RBM26: variants seen among roughly 807,000 people sequenced by gnomAD.
RBM26 encodes RNA-binding protein 26.
RBM26 carries 30 observed loss-of-function variants against 123.6 expected under a neutral mutation model. The ratio of observed to expected loss-of-function variants is 0.24; its 90% confidence interval spans 0.18 to 0.33. The LOEUF (loss-of-function observed/expected upper bound fraction) is 0.33, where lower values mean the gene tolerates loss of function less well. RBM26 is among the 10% of genes least tolerant of loss of function. The probability of loss-of-function intolerance (pLI) is 1.00; values close to 1 mark genes in which losing one functional copy is unlikely to be tolerated. For missense variants in RBM26, 947 were observed against 1,203.6 expected (o/e 0.79, Z 3.15); for synonymous variants, 400 against 404.4 (o/e 0.99, Z 0.13).
intron 2 of RBM26, among the ~76,000 whole-genome samples, chr13:79,377,839 C>T (rs894925010): frequency 6.6e-6 from 1 of 151,946 alleles, no homozygotes; most frequent in Non-Finnish European, 1.5e-5. Flanking sequence ...ACCCAGGAGG[C>T]AGAGACTGCA....
chr13:79,314,281 T>A (rs1443471908), downstream of RBM26: 1 of 151,690 alleles, frequency 6.6e-6, no homozygotes, highest in African/African-American at 2.4e-5. Flanking sequence ...GTCAAAAAAA[T>A]GTGAAAAAAT....
At chr13:79,368,683 G>A (rs748721329) in intron 6 of RBM26, 47 bp downstream of exon 6, 3 of 1,552,594 alleles carry the variant, frequency 1.9e-6, no homozygotes, top group Non-Finnish European at 2.6e-6. Context: ...AATTTAGGCA[G>A]CTGGAAATAT....
intron 1 of RBM26, among the ~76,000 whole-genome samples, chr13:79,388,351 CT>C (rs2077661284): frequency 6.6e-6 from 1 of 152,232 alleles, no homozygotes; most frequent in Non-Finnish European, 1.5e-5. Flanking sequence ...CCACTTGGGC[CT>C]CCCAAAGTGC....
downstream of RBM26, chr13:79,315,050 C>A: frequency 9.7e-7 from 1 of 1,032,250 alleles, no homozygotes; most frequent in South Asian, 1.4e-5. Flanking sequence ...AAATCTAAAA[C>A]TTGAATCACA....
At chr13:79,402,013 G>A (rs562097081) in intron 1 of RBM26, among the ~76,000 whole-genome samples, 2 of 130,838 alleles carry the variant, frequency 1.5e-5, no homozygotes, top group Non-Finnish European at 3.3e-5. Context: ...AGATGTTTAG[G>A]TGTCTCTTCA....
chr13:79,336,555 C>A (rs368840416), intron 19 of RBM26, among the ~76,000 whole-genome samples: 1 of 152,088 alleles, frequency 6.6e-6, no homozygotes, highest in East Asian at 1.9e-4. Flanking sequence ...CCCAGGAAGT[C>A]CAAGTTAAAT....
chr13:79,379,695 A>G (rs1410019985), intron 1 of RBM26, among the ~76,000 whole-genome samples: 1 of 151,968 alleles, frequency 6.6e-6, no homozygotes, highest in African/African-American at 2.4e-5. Flanking sequence ...ATTATAAAAA[A>G]CAGAACAAAA....
intron 1 of RBM26, among the ~76,000 whole-genome samples, chr13:79,402,264 C>G (rs1364840136): frequency 6.6e-6 from 1 of 151,868 alleles, no homozygotes; most frequent in African/African-American, 2.4e-5. Flanking sequence ...CAATCTTAAG[C>G]ATTTCAAGAT....
chr13:79,373,417 TAAATA>T (rs2076249865), intron 3 of RBM26, among the ~76,000 whole-genome samples: 1 of 11,304 alleles, frequency 8.8e-5, no homozygotes, highest in Non-Finnish European at 1.4e-4. Flanking sequence ...ATACTATATA[TAAATA>T]AAATATAAAT....
In RBM26 at chr13:79,368,925, G is replaced by T; in HGVS notation, c.700C>A (p.Pro234Thr). Reference sequence around the variant, plus strand: ...GAAATACTAGGTACCGAAGAGACTGGAGTATAATTATTTTCTAATGGATCT... The same window carrying T: ...GAAATACTAGGTACCGAAGAGACTGTAGTATAATTATTTTCTAATGGATCT... The part of the protein sequence containing the change: ...RTDPLENNYT[P>T]VSSVPSISSG... Residue 234 changes from proline (P) to threonine (T), a missense_variant, in exon 6 of 22, where the codon CCA becomes ACA. Physicochemically the swap from Pro to Thr is conservative, Grantham distance 38. This residue lies in a region of RBM26 where 275 missense variants were observed against 361.0 expected (regional missense o/e 0.76). Coordinates refer to ENST00000438737, the MANE Select transcript of RBM26 (RefSeq NM_001366735.2). The T allele has an allele frequency of 1.2e-6, 2 of 1,610,134 alleles. No homozygotes were observed. Among genetic ancestry groups the T allele is most frequent in the Non-Finnish European group, 8.5e-7 (1 of 1,176,500 alleles).
At chr13:79,344,517 T>G in intron 15 of RBM26, 152 bp downstream of exon 15, 1 of 834,196 alleles carries the variant, frequency 1.2e-6, no homozygotes, top group Non-Finnish European at 1.8e-6. Flanking sequence ...GAAAAAATTT[T>G]TATTTACCGC....
At chr13:79,397,795 T>C (rs758065440) in intron 1 of RBM26, among the ~76,000 whole-genome samples, 2 of 151,386 alleles carry the variant, frequency 1.3e-5, no homozygotes, top group Non-Finnish European at 2.9e-5. Context: ...AAATAGCTAC[T>C]AGAATAAGTA....
At position 79,374,312 on chromosome 13, in the gene RBM26, T is replaced by C. The variant is rs1421469959; in HGVS notation, c.328-2382A>G. Among the ~76,000 whole-genome samples the C allele has an allele frequency of 2.6e-5, 4 of 151,858 alleles. No homozygotes were observed. In the East Asian group the frequency reaches 7.7e-4, roughly 29 times the overall value. ...GCTGAAATATCATCTCTACTAAAAA[T>C]ACAAAAATTAGCTGGGCATGGTGGC... On this transcript the variant is annotated intron_variant, in intron 3 of 21. Coordinates refer to ENST00000438737, the MANE Select transcript of RBM26 (RefSeq NM_001366735.2).
At chr13:79,331,873 C>CA (rs962054763) in intron 20 of RBM26, among the ~76,000 whole-genome samples, 1 of 151,852 alleles carries the variant, frequency 6.6e-6, no homozygotes, top group African/African-American at 2.4e-5. Context: ...TGGTGATAGA[C>CA]AAAAAAATAG....
chr13:79,343,542 C>T (rs897038093), intron 16 of RBM26, among the ~76,000 whole-genome samples: 3 of 151,804 alleles, frequency 2.0e-5, no homozygotes, highest in Non-Finnish European at 3.0e-5. Flanking sequence ...AAATGTCATA[C>T]TACTAACCTT....
intron 14 of RBM26, among the ~76,000 whole-genome samples, chr13:79,352,607 A>G (rs184381649): frequency 6.6e-6 from 1 of 152,306 alleles, no homozygotes; most frequent in East Asian, 1.9e-4. Flanking sequence ...CTGTTTAGTA[A>G]TAAGTGAAAA....
chr13:79,387,016 A>C (rs965166658), intron 1 of RBM26, among the ~76,000 whole-genome samples: 18 of 152,096 alleles, frequency 1.2e-4, no homozygotes, highest in African/African-American at 4.3e-4. Flanking sequence ...TTAGAGATTC[A>C]CTTCTAAGTC....
chr13:79,365,997 A>T, intron 8 of RBM26, 58 bp downstream of exon 8: 2 of 1,509,736 alleles, frequency 1.3e-6, no homozygotes, highest in Non-Finnish European at 1.8e-6. Context: ...TAGACATTTT[A>T]AAATTCTTCA....
intron 1 of RBM26, among the ~76,000 whole-genome samples, chr13:79,404,498 C>T (rs190200525): frequency 6.5e-4 from 99 of 152,304 alleles, no homozygotes; most frequent in Admixed American, 1.2e-3. Context: ...AATCATCTCA[C>T]GTCTTCCCAT....
Sources: gnomAD v4.1 joint callset for allele counts (sites outside exome capture counted in the v4.1 genomes callset) on GRCh38, gnomAD v4.1.1 for gene constraint, gnomAD v4.1.1 regional missense constraint, MANE v1.5 for transcripts, NCBI Gene and HGNC (gene_info 2026-07-23, HGNC 2026-07-21) for gene names.